KAZN: variants seen among roughly 807,000 people sequenced by gnomAD.
KAZN encodes kazrin, periplakin interacting protein, also known as kazrin.
Under a neutral mutation model 87.4 loss-of-function variants are expected in KAZN, and 40 were observed. The observed-to-expected ratio is 0.46, with a 90% confidence interval of 0.36 to 0.60. KAZN has a LOEUF of 0.60. Ranked by LOEUF, KAZN falls within the 20% of genes least tolerant of loss-of-function variation. KAZN has a pLI of 0.00. For synonymous variants in KAZN, 466 were observed against 458.3 expected (o/e 1.02, Z -0.22); for missense variants, 898 against 1,073.9 (o/e 0.84, Z 2.29).
At chr1:15,082,546 C>T (rs1640055791) in intron 8 of KAZN, among the ~76,000 whole-genome samples, 1 of 152,220 alleles carries the variant, frequency 6.6e-6, no homozygotes, top group Admixed American at 6.5e-5. Context: ...CCCATAGCTG[C>T]TGCCAAGGGT....
chr1:14,600,045 A>C (rs780650707), intron 1 of KAZN, among the ~76,000 whole-genome samples: 4 of 152,170 alleles, frequency 2.6e-5, no homozygotes, highest in Admixed American at 6.5e-5. Flanking sequence ...ATTCCCTAAA[A>C]TGTACTGTTT....
intron 1 of KAZN, among the ~76,000 whole-genome samples, chr1:14,006,822 G>C (rs995656094): frequency 6.6e-6 from 1 of 151,858 alleles, no homozygotes; most frequent in African/African-American, 2.4e-5. Flanking sequence ...TTTTTTTTCT[G>C]TGGTTCCATG....
At chr1:15,002,224 C>G (rs747218144) in intron 2 of KAZN, among the ~76,000 whole-genome samples, 1 of 152,192 alleles carries the variant, frequency 6.6e-6, no homozygotes, top group Non-Finnish European at 1.5e-5. Flanking sequence ...TTCTTTCTCC[C>G]AGCCGAGGCT....
intron 2 of KAZN, among the ~76,000 whole-genome samples, chr1:14,524,032 G>GT (rs869100434): frequency 6.7e-6 from 1 of 148,554 alleles, no homozygotes; most frequent in Admixed American, 6.8e-5. Flanking sequence ...GTTTTGTTTT[G>GT]TTTTTATGAG....
chr1:15,094,111 G>A lies in KAZN; in HGVS notation c.1223-69G>A. On this transcript the variant is annotated intron_variant, in intron 8 of 14. Coordinates refer to ENST00000376030, the MANE Select transcript of KAZN (RefSeq NM_201628.3). This position sits in a 1 kb window ranked among gnomAD's most constrained non-coding sequence, Gnocchi z 4.5. ...CCCCACCACCCTCTGCCTCCCGGGGGTATGGCCTGCCCAGCCCCTGCCCCC... is the reference window on the plus strand; with the variant it reads ...CCCCACCACCCTCTGCCTCCCGGGGATATGGCCTGCCCAGCCCCTGCCCCC... The A allele has an allele frequency of 2.1e-6, 3 of 1,441,600 alleles. No individual in the cohort carries two copies. The highest frequency in any genetic ancestry group is 2.9e-6 in the Non-Finnish European group (3 of 1,045,034). The allele number at this position is 1,441,600 out of a possible 1,614,324, so 89.3% of individuals were successfully genotyped here. A position where few individuals can be genotyped will look rare whatever the true frequency, so the allele number is the denominator to read the frequency against.
At chr1:14,268,685 C>T (rs2100675059) in intron 2 of KAZN, among the ~76,000 whole-genome samples, 1 of 152,228 alleles carries the variant, frequency 6.6e-6, no homozygotes, top group Non-Finnish European at 1.5e-5. Context: ...TATATGCGAC[C>T]ATGAAACCAG....
At chr1:14,463,734 T>C (rs1667969419) in intron 2 of KAZN, among the ~76,000 whole-genome samples, 1 of 152,176 alleles carries the variant, frequency 6.6e-6, no homozygotes, top group Admixed American at 6.5e-5. Flanking sequence ...CAAGCGTCTC[T>C]CAGGCATCAG....
At chr1:14,763,700 T>C (rs1644805326) in intron 1 of KAZN, among the ~76,000 whole-genome samples, 1 of 152,198 alleles carries the variant, frequency 6.6e-6, no homozygotes, top group South Asian at 2.1e-4. Flanking sequence ...CCAATTATGA[T>C]CCTTTGCCTA....
chr1:15,087,780 G>C (rs1301665032), intron 8 of KAZN, among the ~76,000 whole-genome samples: 1 of 152,244 alleles, frequency 6.6e-6, no homozygotes, highest in Non-Finnish European at 1.5e-5. Flanking sequence ...AGTCTGGACA[G>C]TAAGTGACAT....
At chr1:15,100,620 G>A (rs1641017806) in intron 10 of KAZN, among the ~76,000 whole-genome samples, 1 of 152,216 alleles carries the variant, frequency 6.6e-6, no homozygotes, top group Admixed American at 6.5e-5. Flanking sequence ...TCAAGCACTT[G>A]CGCACCTGCT....
At chr1:14,644,271 C>A (rs1680638060) in intron 1 of KAZN, among the ~76,000 whole-genome samples, 1 of 151,894 alleles carries the variant, frequency 6.6e-6, no homozygotes, top group Non-Finnish European at 1.5e-5. Context: ...CTCAGCCTCC[C>A]AAAATGCTGG....
At chr1:14,914,013 C>T (rs545551227) in intron 1 of KAZN, among the ~76,000 whole-genome samples, 3 of 152,344 alleles carry the variant, frequency 2.0e-5, no homozygotes, top group Admixed American at 2.0e-4. Flanking sequence ...GCTCCACTGC[C>T]TCCTTCCTCC....
At chr1:14,294,155 C>T (rs1319965725) in intron 2 of KAZN, among the ~76,000 whole-genome samples, 1 of 152,166 alleles carries the variant, frequency 6.6e-6, no homozygotes, top group Non-Finnish European at 1.5e-5. Flanking sequence ...GCCTGAAGAA[C>T]CCGTGCATTC....
chr1:14,210,328 T>G (rs200617036), intron 2 of KAZN, among the ~76,000 whole-genome samples: 1 of 152,184 alleles, frequency 6.6e-6, no homozygotes, highest in East Asian at 1.9e-4. Flanking sequence ...CTGCCATGAT[T>G]GTGAGGCTTC....
chr1:14,477,545 C>T (rs1333451210), intron 2 of KAZN, among the ~76,000 whole-genome samples: 1 of 151,792 alleles, frequency 6.6e-6, no homozygotes, highest in African/African-American at 2.4e-5. Flanking sequence ...TGCCTTGCAT[C>T]GTGTACAAGG....
At chr1:15,047,697 G>A (rs1379853894) in intron 4 of KAZN, among the ~76,000 whole-genome samples, 1 of 152,102 alleles carries the variant, frequency 6.6e-6, no homozygotes, top group African/African-American at 2.4e-5. Context: ...CTTGAACCCA[G>A]AAGGCAGAGG....
intron 1 of KAZN, among the ~76,000 whole-genome samples, chr1:13,989,030 G>A (rs1180134200): frequency 6.6e-6 from 1 of 152,112 alleles, no homozygotes; most frequent in East Asian, 1.9e-4. Context: ...CAAGGGTCTG[G>A]CATTTGATGA....
At chr1:15,105,382 A>G (rs542439460) in intron 13 of KAZN, among the ~76,000 whole-genome samples, 4 of 152,186 alleles carry the variant, frequency 2.6e-5, no homozygotes, top group Non-Finnish European at 5.9e-5. Flanking sequence ...TTCTTGAGGC[A>G]GTTTCAGTAG....
intron 1 of KAZN, among the ~76,000 whole-genome samples, chr1:14,943,007 GGTGTGTGT>G (rs58102946): frequency 0.023 from 2,339 of 100,796 alleles, 132 homozygotes; most frequent in African/African-American, 0.082. Flanking sequence ...GTGTGTGTGT[GGTGTGTGT>G]GTGTGTGTGT....
Sources: allele counts gnomAD v4.1 joint callset (sites outside exome capture counted in the v4.1 genomes callset), GRCh38; gene constraint gnomAD v4.1.1; non-coding constraint Gnocchi (gnomAD v3.1); transcripts MANE v1.5; gene names NCBI Gene and HGNC (gene_info 2026-07-23, HGNC 2026-07-21).